The following KCTD9 variants were observed in gnomAD, a reference collection of about 807,000 sequenced individuals.
KCTD9 encodes the protein BTB/POZ domain-containing protein KCTD9.
Under a neutral mutation model 53.3 loss-of-function variants are expected in KCTD9, and 17 were observed. The ratio of observed to expected loss-of-function variants is 0.32; its 90% CI spans 0.22 to 0.48. The LOEUF is 0.48. Ranked by LOEUF, KCTD9 falls within the 20% of genes least tolerant of loss-of-function variation. The probability of loss-of-function intolerance (pLI) is 0.99; values close to 1 mark genes in which losing one functional copy is unlikely to be tolerated. For synonymous variants in KCTD9, 128 were observed against 162.7 expected (o/e 0.79, Z 1.62); for missense variants, 179 against 465.5 (o/e 0.38, Z 5.66).
intron 6 of KCTD9, 22 bp downstream of exon 6, chr8:25,439,257 T>C (rs1220198783): frequency 7.7e-6 from 12 of 1,561,956 alleles, no homozygotes; most frequent in East Asian, 4.5e-5. Flanking sequence ...CATAATTATA[T>C]TGAAAGTCTA....
intron 3 of KCTD9, 67 bp from the exon 4 acceptor site, chr8:25,440,740 A>G (rs1802106921): frequency 3.6e-6 from 4 of 1,110,976 alleles, no homozygotes; most frequent in Non-Finnish European, 5.5e-6. Flanking sequence ...TGGTAATGGC[A>G]TAATTTTTTA....
intron 1 of KCTD9, among the ~76,000 whole-genome samples, chr8:25,456,541 C>T (rs1027197339): frequency 6.6e-6 from 1 of 152,036 alleles, no homozygotes; most frequent in Non-Finnish European, 1.5e-5. Flanking sequence ...TTATCTAGTA[C>T]TCTCCAGTTT....
intron 4 of KCTD9, 170 bp from the exon 5 acceptor site, chr8:25,439,834 C>T: frequency 7.3e-7 from 1 of 1,378,986 alleles, no homozygotes; most frequent in Non-Finnish European, 9.6e-7. Context: ...TTTATCAGAT[C>T]CCTTCTAATA....
intron 1 of KCTD9, chr8:25,450,272 G>A: frequency 1.0e-6 from 1 of 953,706 alleles, no homozygotes; most frequent in East Asian, 1.2e-4. Context: ...TGAATTCTGT[G>A]AATAGAGGTG....
chr8:25,449,759 T>G (rs1221738118), intron 1 of KCTD9, among the ~76,000 whole-genome samples: 1 of 151,988 alleles, frequency 6.6e-6, no homozygotes, highest in Non-Finnish European at 1.5e-5. Context: ...GTTACCATAT[T>G]GAATAGCACA....
chr8:25,439,766 G>A lies in KCTD9; in HGVS notation c.312-102C>T, dbSNP rs976148117. ...ATCCCAGCTGCTCTCTCAAAAAGATGCATGCTACAACCTGGTAGGAGTAAC... is the reference window on the plus strand; with the variant it reads ...ATCCCAGCTGCTCTCTCAAAAAGATACATGCTACAACCTGGTAGGAGTAAC... On this transcript the variant is annotated intron_variant, in intron 4 of 11. Coordinates refer to ENST00000221200, the MANE Select transcript of KCTD9 (RefSeq NM_017634.4). 11 of 1,579,338 alleles carry A rather than the reference G, an allele frequency of 7.0e-6. No individual in the cohort carries two copies. In the African/African-American group the frequency reaches 9.5e-5, roughly 14 times the overall value.
At chr8:25,446,777 T>C (rs1220546355) in intron 1 of KCTD9, among the ~76,000 whole-genome samples, 1 of 152,202 alleles carries the variant, frequency 6.6e-6, no homozygotes, top group African/African-American at 2.4e-5. Flanking sequence ...GTACTGTTTA[T>C]TATATCATTA....
chr8:25,441,186 A>AG (rs1802115213), intron 3 of KCTD9, among the ~76,000 whole-genome samples: 1 of 152,162 alleles, frequency 6.6e-6, no homozygotes, highest in South Asian at 2.1e-4. Context: ...CAAAAAAAAA[A>AG]AAGGACTGCA....
intron 1 of KCTD9, among the ~76,000 whole-genome samples, chr8:25,446,993 A>G (rs1009500778): frequency 6.6e-6 from 1 of 152,354 alleles, no homozygotes; most frequent in Admixed American, 6.5e-5. Flanking sequence ...GAATTTCTAC[A>G]TGTAAGTGAA....
At chr8:25,443,105 A>G (rs1022277985) in intron 3 of KCTD9, among the ~76,000 whole-genome samples, 1 of 152,162 alleles carries the variant, frequency 6.6e-6, no homozygotes, top group Non-Finnish European at 1.5e-5. Context: ...ATATCCTATA[A>G]CATACATTAT....
chr8:25,443,514 G>T (rs1802160116), intron 3 of KCTD9, among the ~76,000 whole-genome samples: 1 of 152,138 alleles, frequency 6.6e-6, no homozygotes, highest in African/African-American at 2.4e-5. Context: ...TTTGTATGCA[G>T]TGGACCAATT....
chr8:25,446,871 C>G (rs536588054), intron 1 of KCTD9, among the ~76,000 whole-genome samples: 13 of 150,186 alleles, frequency 8.7e-5, no homozygotes, highest in African/African-American at 3.3e-4. Flanking sequence ...TAGCATCTAA[C>G]ATTTAAGAAC....
chr8:25,429,574 C>G lies in KCTD9; in HGVS notation c.*283G>C. Reference sequence around the variant, plus strand: ...AAAGCAAATATAATAGATACTATGCCTGGTCATAAAACCAGGTAAACCCCC... The same window carrying G: ...AAAGCAAATATAATAGATACTATGCGTGGTCATAAAACCAGGTAAACCCCC... On this transcript the variant is annotated 3_prime_UTR_variant, in exon 12 of 12. Coordinates refer to ENST00000221200, the MANE Select transcript of KCTD9 (RefSeq NM_017634.4). 7.9e-6 allele frequency: 2 copies of G among 254,492 alleles called. No individual in the cohort carries two copies. Among genetic ancestry groups the G allele is most frequent in the Non-Finnish European group, 1.5e-5 (2 of 129,160 alleles). The allele number at this position is 254,492 out of a possible 1,614,324, so 15.8% of individuals were successfully genotyped here.
At chr8:25,444,073 T>G (rs192436821) in intron 3 of KCTD9, among the ~76,000 whole-genome samples, 1 of 152,270 alleles carries the variant, frequency 6.6e-6, no homozygotes, top group Admixed American at 6.5e-5. Flanking sequence ...CTCCAGAGCA[T>G]TTTAACGGCA....
intron 6 of KCTD9, among the ~76,000 whole-genome samples, chr8:25,437,253 A>G (rs1239110866): frequency 6.6e-6 from 1 of 152,180 alleles, no homozygotes; most frequent in Non-Finnish European, 1.5e-5. Context: ...ACATATTATA[A>G]AAGAGGTTCT....
At chr8:25,435,650 A>G (rs965487327) in intron 8 of KCTD9, 138 bp from the exon 9 acceptor site, 1 of 651,258 alleles carries the variant, frequency 1.5e-6, no homozygotes, top group Non-Finnish European at 2.6e-6. Flanking sequence ...AGAACATGAT[A>G]AAATGGAACT....
At chr8:25,447,246 A>C (rs762803093) in intron 1 of KCTD9, among the ~76,000 whole-genome samples, 8 of 152,270 alleles carry the variant, frequency 5.3e-5, no homozygotes, top group Non-Finnish European at 1.0e-4. Flanking sequence ...TACAAAAATC[A>C]GCCAGGTGTG....
intron 2 of KCTD9, among the ~76,000 whole-genome samples, chr8:25,445,675 T>A (rs1802202329): frequency 6.6e-6 from 1 of 152,148 alleles, no homozygotes; most frequent in Admixed American, 6.6e-5. Context: ...CCTATAATTA[T>A]GGTGGATCAC....
intron 6 of KCTD9, among the ~76,000 whole-genome samples, chr8:25,437,143 T>G (rs1802031713): frequency 6.6e-6 from 1 of 152,178 alleles, no homozygotes; most frequent in Admixed American, 6.5e-5. Flanking sequence ...AGGTACAGCA[T>G]CGGGCTACCA....
Sources: gnomAD v4.1 joint callset for allele counts (sites outside exome capture counted in the v4.1 genomes callset) on GRCh38, gnomAD v4.1.1 for gene constraint, MANE v1.5 for transcripts, NCBI Gene and HGNC (gene_info 2026-07-23, HGNC 2026-07-21) for gene names.